Variants in EIF2D observed in about 807,000 individuals in gnomAD.
EIF2D encodes the protein hepatocellular carcinoma-associated antigen 56.
EIF2D carries 56 observed loss-of-function variants against 77.4 expected under a neutral mutation model. The ratio of observed to expected loss-of-function variants is 0.72; its 90% CI spans 0.58 to 0.90. EIF2D has a LOEUF of 0.90. EIF2D is among the 40% of genes least tolerant of loss of function. The probability of loss-of-function intolerance (pLI) is 0.00; values close to 1 mark genes in which losing one functional copy is unlikely to be tolerated. For missense variants in EIF2D, 574 were observed against 706.5 expected (o/e 0.81, Z 2.13); for synonymous variants, 230 against 271.0 (o/e 0.85, Z 1.49).
chr1:206,585,865 G>A (rs1404354024), intron 2 of EIF2D: 1 of 152,434 alleles, frequency 6.6e-6, no homozygotes, highest in African/African-American at 2.4e-5. Flanking sequence ...GGAGTTTTGG[G>A]AGTCACTGCG....
rs1553413401 is a variant in EIF2D at position 206,609,407 on chromosome 1, A to G, written c.300T>C (p.Pro100=). ...CCCCTACCAGTTTCTCGAGCACCAGAGGCCATGTTGTAAAGGTTGGCAGAA... is the reference window on the plus strand; with the variant it reads ...CCCCTACCAGTTTCTCGAGCACCAGGGGCCATGTTGTAAAGGTTGGCAGAA... ...PDLLPTFTTW[P]LVLEKLVGGA... is the part of the protein sequence containing the mutation. Residue 100 remains proline (P), a synonymous_variant, in exon 3 of 15, where the codon CCT becomes CCC. Coordinates refer to ENST00000271764, the MANE Select transcript of EIF2D (RefSeq NM_006893.3). The G allele has an allele frequency of 6.2e-7, 1 of 1,614,254 alleles. No homozygotes were observed.
intron 7 of EIF2D, 63 bp from the exon 8 acceptor site, chr1:206,600,371 C>T (rs1216731328): frequency 6.6e-7 from 1 of 1,505,924 alleles, no homozygotes; most frequent in Non-Finnish European, 9.2e-7. Context: ...CTGCCTGACA[C>T]TGAGAGGAGG....
At chr1:206,603,512 A>ATAAT (rs1396057738) in intron 5 of EIF2D, 4 of 255,018 alleles carry the variant, frequency 1.6e-5, no homozygotes, top group Non-Finnish European at 3.0e-5. Context: ...GGAGTTTAAG[A>ATAAT]TAAACTCCCA....
intron 4 of EIF2D, among the ~76,000 whole-genome samples, chr1:206,580,230 CTG>C (rs1553405992): frequency 6.6e-6 from 1 of 152,238 alleles, no homozygotes; most frequent in African/African-American, 2.4e-5. Flanking sequence ...TTGCTTCTCA[CTG>C]TATTCAAAAT....
intron 14 of EIF2D, 111 bp downstream of exon 14, chr1:206,593,508 A>AGAGAGT (rs10533643): frequency 3.3e-4 from 131 of 401,490 alleles, no homozygotes; most frequent in East Asian, 1.1e-3. Flanking sequence ...AGAGAGAGAG[A>AGAGAGT]GTGTGTGTGT....
At chr1:206,605,285 TA>T in intron 5 of EIF2D, 114 bp downstream of exon 5, 1 of 613,592 alleles carries the variant, frequency 1.6e-6, no homozygotes, top group Non-Finnish European at 2.7e-6. Context: ...AGTCTGGGCT[TA>T]GCAACTTGCT....
chr1:206,596,254 T>C (rs1025441174), intron 12 of EIF2D, among the ~76,000 whole-genome samples: 2 of 152,096 alleles, frequency 1.3e-5, no homozygotes, highest in Non-Finnish European at 2.9e-5. Context: ...TAGAGAACTT[T>C]TACCACGAGG....
chr1:206,611,399 G>T (rs782330094), intron 1 of EIF2D, 25 bp from the exon 2 acceptor site: 1 of 1,596,528 alleles, frequency 6.3e-7, no homozygotes, highest in Non-Finnish European at 8.6e-7. Context: ...CCAGCACTGT[G>T]AATGCTGCCT....
chr1:206,609,373 T>C lies in EIF2D; in HGVS notation c.331+3A>G. The C allele has an allele frequency of 5.0e-6, 8 of 1,613,958 alleles. No individual in the cohort carries two copies. Among genetic ancestry groups the C allele is most frequent in the East Asian group, 2.2e-5 (1 of 44,890 alleles). On this transcript the variant is annotated splice_donor_region_variant and intron_variant, in intron 3 of 14. Coordinates refer to ENST00000271764, the MANE Select transcript of EIF2D (RefSeq NM_006893.3). ...TAGCCAGAATATAGGAGAATCCTCTTACCTGCTCCCCCTACCAGTTTCTCG... is the reference window on the plus strand; with the variant it reads ...TAGCCAGAATATAGGAGAATCCTCTCACCTGCTCCCCCTACCAGTTTCTCG...
chr1:206,593,487 G>T, intron 14 of EIF2D, 132 bp downstream of exon 14: 1 of 457,056 alleles, frequency 2.2e-6, no homozygotes, highest in Non-Finnish European at 3.3e-6. Context: ...GAGAGAGAGA[G>T]CGAGAGAGAG....
Position 206,584,390 on chromosome 1 carries a change from G to A in EIF2D, c.139-3228C>T. The A allele has an allele frequency of 6.2e-7, 1 of 1,610,158 alleles. No individual in the cohort carries two copies. The highest frequency in any genetic ancestry group is 8.5e-7 in the Non-Finnish European group (1 of 1,177,436). On this transcript the variant is annotated intron_variant and NMD_transcript_variant, in intron 2 of 5. Transcript: ENST00000472709. This position sits in a 1 kb window ranked among gnomAD's most constrained non-coding sequence, Gnocchi z 4.9. The stretch of plus-strand genomic sequence containing the variant: ...TGTGACATGCCCCCGCTGGCAGAGT[G>A]AAGACGGCACCTACACGGGTTTCAT...
Position 206,599,057 on chromosome 1 carries a change from G to A in EIF2D, c.1238C>T (p.Thr413Met), listed in dbSNP as rs369659631. 37 of 1,614,118 alleles carry A rather than the reference G, an allele frequency of 2.3e-5. No individual in the cohort carries two copies. The East Asian group carries it at 4.9e-4, about 21-fold the overall frequency. The part of the protein sequence containing the change: ...GSFLEGSEVR[T>M]IVINYAKKND... ...TTTCTTGGCGTAGTTAATGACGATC[G>A]TTCGGACCTCACTGCCCTCCAGAAA... is the stretch of plus-strand genomic sequence containing the variant. The change falls in exon 11 of 15, where the codon ACG becomes ATG. Residue 413 changes from threonine (T) to methionine (M), a missense_variant. Transcript: ENST00000271764. The surrounding 1 kb of genome is among the most constrained non-coding windows in gnomAD (Gnocchi z 4.1).
In EIF2D at chr1:206,593,704, G is replaced by A. The variant is rs1669499685; in HGVS notation, c.1599C>T (p.Thr533=). The change falls in exon 14 of 15, where the codon ACC becomes ACT. Residue 533 remains threonine, a synonymous_variant. Coordinates refer to ENST00000271764, the MANE Select transcript of EIF2D (RefSeq NM_006893.3). ...ILQQRCQAST[T]VNPAPGAKDS... ...CCTTGGCCCCAGGGGCAGGATTGAC[G>A]GTGGTGCTAGCCTGGCATCGCTGCT... 18 of 1,613,970 alleles carry A rather than the reference G, an allele frequency of 1.1e-5. No individual in the cohort carries two copies. The highest frequency in any genetic ancestry group is 1.5e-5 in the Non-Finnish European group (18 of 1,179,976).
At position 206,583,046 on chromosome 1, in the gene EIF2D, G is replaced by A; in HGVS notation, c.139-1884C>T. 2.2e-5 allele frequency: 11 copies of A among 489,010 alleles called. No individual in the cohort carries two copies. In the South Asian group the frequency reaches 2.3e-4, roughly 10 times the overall value. 30.3% of individuals were successfully genotyped at this position (489,010 alleles called of 1,614,324 possible). On this transcript the variant is annotated intron_variant and NMD_transcript_variant, in intron 2 of 5. Coordinates refer to the EIF2D transcript ENST00000472709. ...CCCATTTCACAGATGAGGAGACTGA[G>A]GCTTAGAGAAATCTGAGTTACTTCT... is the stretch of plus-strand genomic sequence containing the variant.
At chr1:206,582,056 T>C (rs77681217) in intron 2 of EIF2D, among the ~76,000 whole-genome samples, 1,802 of 152,308 alleles carry the variant, frequency 0.012, 42 homozygotes, top group African/African-American at 0.041. Context: ...CCAAGTCTGC[T>C]ACACTTGAAC....
Position 206,611,392 on chromosome 1 carries a change from GC to G in EIF2D, c.57-19del. On this transcript the variant is annotated intron_variant, in intron 1 of 14. Transcript: ENST00000271764. ...GCTTTCTCCTGTGGAAAGCACACCA[GC>G]ACTGTGAATGCTGCCTGGACAGACT... 6.2e-7 allele frequency: 1 copy of G among 1,604,738 alleles called. No individual in the cohort carries two copies. Among genetic ancestry groups the G allele is most frequent in the Non-Finnish European group, 8.5e-7 (1 of 1,173,280 alleles).
intron 3 of EIF2D, among the ~76,000 whole-genome samples, chr1:206,608,562 G>A (rs1553413201): frequency 6.6e-6 from 1 of 152,202 alleles, no homozygotes. Flanking sequence ...TCTCCCCTTA[G>A]GGGGCTAAAG....
At chr1:206,607,452 C>T (rs1183676274) in intron 4 of EIF2D, among the ~76,000 whole-genome samples, 1 of 152,114 alleles carries the variant, frequency 6.6e-6, no homozygotes, top group African/African-American at 2.4e-5. Flanking sequence ...ACAATTACTT[C>T]TTATTTTTAA....
rs185559872 is a variant in EIF2D at position 206,593,899 on chromosome 1, T to C, written c.1510-106A>G. The C allele has an allele frequency of 1.0e-3, 1,026 of 982,426 alleles. 6 individuals carry two copies. In the African/African-American group the frequency reaches 0.016, roughly 15 times the overall value. 60.9% of individuals were successfully genotyped at this position (982,426 alleles called of 1,614,324 possible). A position where few individuals can be genotyped will look rare whatever the true frequency, so the allele number is the denominator to read the frequency against. On this transcript the variant is annotated intron_variant, in intron 13 of 14. Coordinates refer to ENST00000271764, the MANE Select transcript of EIF2D (RefSeq NM_006893.3). Reference sequence around the variant, plus strand: ...CCTTCTGAGCCCCTGTGTTCTCTGATGGTTCACCATTCCTATAACCCTAGT... The same window carrying C: ...CCTTCTGAGCCCCTGTGTTCTCTGACGGTTCACCATTCCTATAACCCTAGT...
Sources: gnomAD v4.1 joint callset for allele counts (sites outside exome capture counted in the v4.1 genomes callset) on GRCh38, gnomAD v4.1.1 for gene constraint, Gnocchi (gnomAD v3.1) non-coding constraint, MANE v1.5 for transcripts, NCBI Gene and HGNC (gene_info 2026-07-23, HGNC 2026-07-21) for gene names.